The following B3GLCT variants were observed in gnomAD, a reference collection of about 807,000 sequenced individuals.
The protein encoded by B3GLCT is beta-1,3-glucosyltransferase.
In B3GLCT, 65 loss-of-function variants were observed where a neutral mutation model predicts 63.4. The observed-to-expected ratio is 1.03, with a 90% CI of 0.84 to 1.26. The LOEUF (loss-of-function observed/expected upper bound fraction) is 1.26. Among genes scored for constraint, B3GLCT ranks in the 50% most tolerant of loss-of-function variants. The pLI is 0.00. For missense variants in B3GLCT, 577 were observed against 604.8 expected (o/e 0.95, Z 0.48); for synonymous variants, 233 against 219.2 (o/e 1.06, Z -0.55).
At position 31,264,571 on chromosome 13, in the gene B3GLCT, C is replaced by T. The variant is rs573690283; in HGVS notation, c.596+3489C>T. Among the ~76,000 whole-genome samples, 6 of 152,274 alleles carry T rather than the reference C, an allele frequency of 3.9e-5. 1 individual carries two copies. In the Middle Eastern group the frequency reaches 0.01, roughly 259 times the overall value. On this transcript the variant is annotated intron_variant, in intron 7 of 14. Coordinates refer to ENST00000343307, the MANE Select transcript of B3GLCT (RefSeq NM_194318.4). Reference sequence around the variant, plus strand: ...AGATCATATTTCCTTTCCCCCGATGCCAACAAGTAATCAAGCAAATGATAT... The same window carrying T: ...AGATCATATTTCCTTTCCCCCGATGTCAACAAGTAATCAAGCAAATGATAT...
chr13:31,314,427 C>G (rs1245394812), intron 12 of B3GLCT, among the ~76,000 whole-genome samples: 2 of 152,208 alleles, frequency 1.3e-5, no homozygotes, highest in Non-Finnish European at 2.9e-5. Flanking sequence ...ATCAGTGTTA[C>G]CTGGATGTGA....
intron 9 of B3GLCT, 59 bp downstream of exon 9, chr13:31,274,687 T>C (rs1256018719): frequency 3.1e-6 from 5 of 1,588,008 alleles, no homozygotes; most frequent in Non-Finnish European, 4.3e-6. Context: ...ATGCTGTGCA[T>C]AATGTCATCC....
In B3GLCT at chr13:31,284,902, T is replaced by A. The variant is rs7993050; in HGVS notation, c.964+141T>A. On this transcript the variant is annotated intron_variant, in intron 11 of 14. Transcript: ENST00000343307. ...TAGTTTTTTCCCTTCTCTCAGATAC[T>A]GATTGGTTCTTTCAAACTAAGGGCT... 0.22 allele frequency: 144,635 copies of A among 654,056 alleles called. 16,410 individuals are homozygous for A. Among genetic ancestry groups the A allele is most frequent in the East Asian group, 0.24 (8,865 of 36,338 alleles). The allele number at this position is 654,056 out of a possible 1,614,324, so 40.5% of individuals were successfully genotyped here. A position where few individuals can be genotyped will look rare whatever the true frequency, so the allele number is the denominator to read the frequency against.
intron 12 of B3GLCT, among the ~76,000 whole-genome samples, chr13:31,291,103 C>T (rs1416948031): frequency 1.3e-5 from 2 of 152,176 alleles, no homozygotes; most frequent in Non-Finnish European, 2.9e-5. Context: ...ATAGAGAATC[C>T]TTTCCCCATT....
intron 12 of B3GLCT, among the ~76,000 whole-genome samples, chr13:31,292,699 C>CTTTT (rs56038439): frequency 1.2e-4 from 17 of 147,528 alleles, no homozygotes; most frequent in South Asian, 2.1e-4. Flanking sequence ...ATTCTTCTCT[C>CTTTT]TTTTTTTTTT....
intron 12 of B3GLCT, among the ~76,000 whole-genome samples, chr13:31,296,223 C>T (rs1193982452): frequency 3.3e-5 from 5 of 152,254 alleles, no homozygotes; most frequent in Non-Finnish European, 5.9e-5. Context: ...GCATTGATCT[C>T]ACTGGGAGCT....
chr13:31,316,792 A>G (rs1476153801), intron 12 of B3GLCT, among the ~76,000 whole-genome samples: 1 of 152,100 alleles, frequency 6.6e-6, no homozygotes, highest in Non-Finnish European at 1.5e-5. Flanking sequence ...TTATTTTCCT[A>G]TAAATTCATT....
chr13:31,291,251 T>C (rs1873641888), intron 12 of B3GLCT, among the ~76,000 whole-genome samples: 2 of 152,246 alleles, frequency 1.3e-5, no homozygotes, highest in Admixed American at 1.3e-4. Context: ...TGTGGCCTTG[T>C]AGTATAGTTT....
chr13:31,200,421 T>C (rs1396409079), intron 1 of B3GLCT, among the ~76,000 whole-genome samples: 3 of 149,528 alleles, frequency 2.0e-5, no homozygotes, highest in African/African-American at 7.3e-5. Context: ...GGCCCCAGAC[T>C]CGCGTCTCCC....
At chr13:31,310,513 T>C (rs1473038414) in intron 12 of B3GLCT, among the ~76,000 whole-genome samples, 1 of 152,198 alleles carries the variant, frequency 6.6e-6, no homozygotes, top group Non-Finnish European at 1.5e-5. Context: ...CAGGATTCCC[T>C]GAGCCAGAGC....
chr13:31,262,887 C>G (rs1872107752), intron 7 of B3GLCT, among the ~76,000 whole-genome samples: 1 of 152,072 alleles, frequency 6.6e-6, no homozygotes, highest in East Asian at 1.9e-4. Flanking sequence ...GGGAGAAGTC[C>G]CACGTGGCTG....
At chr13:31,215,133 C>T (rs777578826) in intron 2 of B3GLCT, 33 bp downstream of exon 2, 2 of 1,578,774 alleles carry the variant, frequency 1.3e-6, no homozygotes, top group Admixed American at 1.7e-5. Context: ...CTTTTCCTCC[C>T]TTCTAAGATT....
At chr13:31,256,406 G>C (rs185557225) in intron 6 of B3GLCT, among the ~76,000 whole-genome samples, 1 of 152,240 alleles carries the variant, frequency 6.6e-6, no homozygotes, top group African/African-American at 2.4e-5. Context: ...ATTTGACCCA[G>C]CAATCCCATT....
At chr13:31,227,394 C>T (rs1870154399) in intron 3 of B3GLCT, among the ~76,000 whole-genome samples, 1 of 152,168 alleles carries the variant, frequency 6.6e-6, no homozygotes, top group Non-Finnish European at 1.5e-5. Flanking sequence ...CCTTATAACT[C>T]CTCTTTAGAT....
intron 2 of B3GLCT, among the ~76,000 whole-genome samples, chr13:31,219,486 G>A (rs1869716842): frequency 6.6e-6 from 1 of 152,184 alleles, no homozygotes; most frequent in Admixed American, 6.5e-5. Context: ...ACCTAATCCT[G>A]TGGTAGCACT....
intron 4 of B3GLCT, 138 bp downstream of exon 4, chr13:31,229,432 A>G: frequency 1.4e-6 from 1 of 707,262 alleles, no homozygotes; most frequent in Non-Finnish European, 2.6e-6. Context: ...CTTATTTAAT[A>G]TTGAGTATTT....
rs1872700156 is a variant in B3GLCT at position 31,274,589 on chromosome 13, C to A, written c.741C>A (p.Phe247Leu). Reference sequence around the variant, plus strand: ...AGTTTTGTACCAATGACGTGGACTTCTACTGTGCTACCACATTCCATTCTT... The same window carrying A: ...AGTTTTGTACCAATGACGTGGACTTATACTGTGCTACCACATTCCATTCTT... ...VPEFCTNDVD[F>L]YCATTFHSFL... Residue 247 changes from phenylalanine (F) to leucine (L), a missense_variant, in exon 9 of 15, where the codon TTC becomes TTA. By Grantham distance (22) the Phe-to-Leu change is conservative. Transcript: ENST00000343307. 2 of 1,614,216 alleles carry A rather than the reference C, an allele frequency of 1.2e-6. No individual in the cohort carries two copies. Among genetic ancestry groups the A allele is most frequent in the Non-Finnish European group, 1.7e-6 (2 of 1,180,032 alleles).
At chr13:31,227,017 A>G (rs1870136613) in intron 3 of B3GLCT, among the ~76,000 whole-genome samples, 1 of 152,126 alleles carries the variant, frequency 6.6e-6, no homozygotes, top group Non-Finnish European at 1.5e-5. Context: ...ATTTTAATAT[A>G]TTTATGTTTA....
chr13:31,317,378 A>C (rs1324516373), intron 12 of B3GLCT, among the ~76,000 whole-genome samples, 188 bp from the exon 13 acceptor site: 1 of 152,306 alleles, frequency 6.6e-6, no homozygotes, highest in East Asian at 1.9e-4. Flanking sequence ...TACAGTGTTC[A>C]TGCATTCTTT....
Sources: gnomAD v4.1 joint callset for allele counts (sites outside exome capture counted in the v4.1 genomes callset) on GRCh38, gnomAD v4.1.1 for gene constraint, MANE v1.5 for transcripts, NCBI Gene and HGNC (gene_info 2026-07-23, HGNC 2026-07-21) for gene names.